The following NTM variants were observed in gnomAD, a reference collection of about 807,000 sequenced individuals.
The protein encoded by NTM is IgLON family member 2.
NTM carries 13 observed loss-of-function variants against 42.1 expected under a neutral mutation model. The ratio of observed to expected loss-of-function variants is 0.31; its 90% confidence interval spans 0.20 to 0.49. NTM has a LOEUF of 0.49. NTM is among the 20% of genes least tolerant of loss of function. NTM has a pLI of 0.99. For synonymous variants in NTM, 187 were observed against 179.2 expected (o/e 1.04, Z -0.35); for missense variants, 373 against 452.8 (o/e 0.82, Z 1.60).
intron 1 of NTM, among the ~76,000 whole-genome samples, chr11:131,865,602 G>A (rs2047049549): frequency 6.6e-6 from 1 of 152,098 alleles, no homozygotes; most frequent in African/African-American, 2.4e-5. Context: ...AGTGGGGCAG[G>A]CTCCCTGCCC....
chr11:132,286,970 C>T (rs1591757310), intron 4 of NTM, among the ~76,000 whole-genome samples: 1 of 152,236 alleles, frequency 6.6e-6, no homozygotes, highest in East Asian at 1.9e-4. Flanking sequence ...CTTGAAATGA[C>T]TCAACTACAG....
intron 1 of NTM, among the ~76,000 whole-genome samples, chr11:131,542,289 C>T (rs2053375372): frequency 1.3e-5 from 2 of 152,194 alleles, no homozygotes; most frequent in South Asian, 2.1e-4. Context: ...AAGTGCCTAA[C>T]AGGTCACTAG....
At chr11:131,820,468 GTA>G (rs1234449727) in intron 1 of NTM, among the ~76,000 whole-genome samples, 1 of 152,140 alleles carries the variant, frequency 6.6e-6, no homozygotes, top group African/African-American at 2.4e-5. Flanking sequence ...AAATAAATAT[GTA>G]TTATGAAAGA....
chr11:132,310,254 T>A lies in NTM; in HGVS notation c.782+22T>A, dbSNP rs369720848. On this transcript the variant is annotated intron_variant, in intron 6 of 8. Transcript: ENST00000683400. ...AAAGGTAAAGCTTCCTTCTTTCCTA[T>A]CCCACCCCTACCCCCATCTCCAGGA... 1.9e-6 allele frequency: 3 copies of A among 1,575,688 alleles called. No individual in the cohort carries two copies. The African/African-American group carries it at 4.1e-5, about 22-fold the overall frequency.
intron 1 of NTM, among the ~76,000 whole-genome samples, chr11:131,682,035 A>G (rs2073035374): frequency 6.6e-6 from 1 of 152,104 alleles, no homozygotes; most frequent in Non-Finnish European, 1.5e-5. Context: ...GAAAAAGTAC[A>G]CCGAGGACCC....
At chr11:131,613,384 TC>T (rs1383798772) in intron 1 of NTM, among the ~76,000 whole-genome samples, 2 of 152,138 alleles carry the variant, frequency 1.3e-5, no homozygotes, top group East Asian at 3.9e-4. Flanking sequence ...GCCCCCATGG[TC>T]CTCGGTGAGG....
chr11:131,444,890 G>T (rs187815391), intron 1 of NTM, among the ~76,000 whole-genome samples: 1 of 152,126 alleles, frequency 6.6e-6, no homozygotes, highest in Admixed American at 6.5e-5. Context: ...GAAATAGTGA[G>T]ATTACATTAG....
intron 1 of NTM, chr11:131,795,502 G>T (rs1343618678): frequency 1.0e-6 from 1 of 985,196 alleles, no homozygotes; most frequent in African/African-American, 1.7e-5. Context: ...GCCCTTTATT[G>T]CTCTTGTTTA....
intron 3 of NTM, among the ~76,000 whole-genome samples, chr11:132,160,909 G>C (rs1022451601): frequency 3.9e-5 from 6 of 152,204 alleles, no homozygotes; most frequent in Non-Finnish European, 8.8e-5. Context: ...AGACCCGAGA[G>C]GGGAGCCACG....
intron 2 of NTM, among the ~76,000 whole-genome samples, chr11:132,097,170 C>T (rs2061105805): frequency 6.6e-6 from 1 of 152,182 alleles, no homozygotes; most frequent in African/African-American, 2.4e-5. Flanking sequence ...ACATATGTAC[C>T]CCTTCCTTCT....
chr11:131,753,798 C>T (rs141980649), intron 1 of NTM, among the ~76,000 whole-genome samples: 8,852 of 151,348 alleles, frequency 0.058, 333 homozygotes, highest in African/African-American at 0.096. Flanking sequence ...TGCTAAATGA[C>T]GAATTAATGG....
chr11:132,098,420 T>G (rs970673616), intron 2 of NTM, among the ~76,000 whole-genome samples: 1 of 152,244 alleles, frequency 6.6e-6, no homozygotes, highest in African/African-American at 2.4e-5. Context: ...TCATCTATTC[T>G]GAAACTTCTG....
chr11:131,693,752 G>A (rs1055082879), intron 1 of NTM, among the ~76,000 whole-genome samples: 1 of 152,214 alleles, frequency 6.6e-6, no homozygotes, highest in South Asian at 2.1e-4. Flanking sequence ...ACAAAGCCTC[G>A]GGTATCTTTT....
At chr11:131,441,758 A>C (rs564431012) in intron 1 of NTM, among the ~76,000 whole-genome samples, 1 of 152,350 alleles carries the variant, frequency 6.6e-6, no homozygotes, top group African/African-American at 2.4e-5. Flanking sequence ...CATTGAATTC[A>C]CAGACTGGAA....
intron 1 of NTM, among the ~76,000 whole-genome samples, chr11:131,696,478 A>G (rs954971133): frequency 5.9e-5 from 9 of 152,156 alleles, no homozygotes; most frequent in Admixed American, 3.9e-4. Flanking sequence ...CAGACCACAC[A>G]ACATTGTGTT....
chr11:131,863,983 T>C (rs2046888220), intron 1 of NTM, among the ~76,000 whole-genome samples: 1 of 152,142 alleles, frequency 6.6e-6, no homozygotes. Flanking sequence ...TGAATTTCCT[T>C]GTAGAAATGG....
intron 7 of NTM, among the ~76,000 whole-genome samples, chr11:132,321,436 G>GATGAA (rs1210994174): frequency 2.6e-5 from 4 of 152,088 alleles, no homozygotes; most frequent in South Asian, 2.1e-4. Flanking sequence ...AGCAATGGAA[G>GATGAA]ATGAAATGAA....
At position 131,522,012 on chromosome 11, in the gene NTM, G is replaced by A. The variant is rs116672231; in HGVS notation, c.82+151124G>A. Among the ~76,000 whole-genome samples, 1,062 of 152,178 alleles carry A rather than the reference G, an allele frequency of 7.0e-3. 16 individuals are homozygous for A. The highest frequency in any genetic ancestry group is 0.025 in the African/African-American group (1,026 of 41,524). On this transcript the variant is annotated intron_variant, in intron 1 of 8. Transcript: ENST00000683400. ...TAAGCAAATTAAAATTTAAATTGAC[G>A]TGATTTATATGAAAGGATCGCCAGG...
At chr11:131,736,795 A>G (rs563486944) in intron 1 of NTM, among the ~76,000 whole-genome samples, 1 of 152,316 alleles carries the variant, frequency 6.6e-6, no homozygotes, top group Non-Finnish European at 1.5e-5. Context: ...ACAGAAAGGG[A>G]AGGATGAATG....
Sources: gnomAD v4.1 joint callset for allele counts (sites outside exome capture counted in the v4.1 genomes callset) on GRCh38, gnomAD v4.1.1 for gene constraint, MANE v1.5 for transcripts, NCBI Gene and HGNC (gene_info 2026-07-23, HGNC 2026-07-21) for gene names.